TMEM120B: variants seen among roughly 807,000 people sequenced by gnomAD.
TMEM120B encodes the protein transmembrane protein 120B.
TMEM120B carries 31 observed loss-of-function variants against 55.5 expected under a neutral mutation model. The ratio of observed to expected loss-of-function variants is 0.56; its 90% CI spans 0.42 to 0.75. The LOEUF is 0.75. Ranked by LOEUF, TMEM120B falls within the 30% of genes least tolerant of loss-of-function variation. The pLI is 0.00. For synonymous variants in TMEM120B, 203 were observed against 176.3 expected (o/e 1.15, Z -1.20); for missense variants, 399 against 425.5 (o/e 0.94, Z 0.55).
chr12:121,760,611 G>A (rs57318156), intron 5 of TMEM120B, among the ~76,000 whole-genome samples: 13,018 of 152,232 alleles, frequency 0.086, 1,002 homozygotes, highest in African/African-American at 0.2. Context: ...CCTAGTGCAC[G>A]TGCTTGAGCC....
chr12:121,727,600 G>A (rs1471862934), intron 1 of TMEM120B, among the ~76,000 whole-genome samples: 1 of 151,228 alleles, frequency 6.6e-6, no homozygotes, highest in East Asian at 2.0e-4. Flanking sequence ...TTGGCCCGGT[G>A]CGGTGGCTCA....
chr12:121,743,793 G>C (rs774065816), intron 2 of TMEM120B, 46 bp downstream of exon 2: 1 of 1,386,696 alleles, frequency 7.2e-7, no homozygotes, highest in South Asian at 1.2e-5. Context: ...CTGAGGGACA[G>C]AAGTCCAACT....
chr12:121,742,079 T>C (rs998526371), intron 1 of TMEM120B, among the ~76,000 whole-genome samples: 1 of 151,312 alleles, frequency 6.6e-6, no homozygotes, highest in Non-Finnish European at 1.5e-5. Context: ...CTCAGCTCAC[T>C]GCAACCTCCG....
chr12:121,756,965 C>G (rs1873491669), intron 5 of TMEM120B, among the ~76,000 whole-genome samples: 1 of 152,150 alleles, frequency 6.6e-6, no homozygotes, highest in African/African-American at 2.4e-5. Context: ...GCTGAGGACA[C>G]TAGCTGAGGA....
intron 5 of TMEM120B, among the ~76,000 whole-genome samples, chr12:121,753,922 C>T (rs1422367924): frequency 6.6e-6 from 1 of 152,204 alleles, no homozygotes; most frequent in Admixed American, 6.5e-5. Flanking sequence ...GGGTGCTCCC[C>T]AGCTGCTGGT....
In TMEM120B at chr12:121,774,675, A is replaced by T; in HGVS notation, c.790A>T (p.Met264Leu). The T allele has an allele frequency of 1.2e-6, 2 of 1,613,772 alleles. No individual in the cohort carries two copies. The highest frequency in any genetic ancestry group is 1.7e-6 in the Non-Finnish European group (2 of 1,179,852). The change falls in exon 10 of 12, where the codon ATG becomes TTG. Residue 264 changes from methionine (M) to leucine (L), a missense_variant. Physicochemically the swap from Met to Leu is conservative, Grantham distance 15. Around this residue, in one of 3 missense-constraint regions of TMEM120B, gnomAD observed 260 missense variants for 303.9 expected, o/e 0.86. Coordinates refer to ENST00000449592, the MANE Select transcript of TMEM120B (RefSeq NM_001080825.2). ...CTCCACAGAAGGGTTCCAGTCCTGG[A>T]TGTGGCGGGGCCTCACCTTTCTCCT... ...DLTVEGFQSW[M>L]WRGLTFLLPF... is the part of the protein sequence containing the mutation.
At chr12:121,771,001 G>T in intron 7 of TMEM120B, 29 bp downstream of exon 7, 1 of 1,610,756 alleles carries the variant, frequency 6.2e-7, no homozygotes. Context: ...GGCCCCTCCA[G>T]CCTCCCAGGG....
chr12:121,755,748 T>C (rs1311248469), intron 5 of TMEM120B, among the ~76,000 whole-genome samples: 1 of 152,130 alleles, frequency 6.6e-6, no homozygotes, highest in African/African-American at 2.4e-5. Flanking sequence ...TCAATACTGC[T>C]AGGGAATGAG....
At chr12:121,715,645 C>T (rs1226621989) in intron 1 of TMEM120B, among the ~76,000 whole-genome samples, 1 of 152,018 alleles carries the variant, frequency 6.6e-6, no homozygotes, top group Non-Finnish European at 1.5e-5. Context: ...AAGAGGGAGC[C>T]TGCTTGCTGC....
intron 1 of TMEM120B, among the ~76,000 whole-genome samples, chr12:121,727,766 C>T (rs941331553): frequency 4.1e-5 from 6 of 147,070 alleles, no homozygotes; most frequent in Non-Finnish European, 6.0e-5. Context: ...CCCAGCTACT[C>T]GGGAGGCTGA....
intron 5 of TMEM120B, chr12:121,758,833 C>T: frequency 1.0e-6 from 1 of 980,108 alleles, no homozygotes; most frequent in Non-Finnish European, 1.2e-6. Flanking sequence ...GACGGCCTAG[C>T]TCCACGTTGT....
chr12:121,725,026 T>C (rs1002481778), intron 1 of TMEM120B, among the ~76,000 whole-genome samples: 30 of 152,222 alleles, frequency 2.0e-4, no homozygotes, highest in African/African-American at 5.8e-4. Flanking sequence ...ACTATGATTG[T>C]ATTTTTCTCT....
At chr12:121,730,119 C>T (rs1045657856) in intron 1 of TMEM120B, among the ~76,000 whole-genome samples, 2 of 149,432 alleles carry the variant, frequency 1.3e-5, no homozygotes, top group South Asian at 2.1e-4. Context: ...ATTAGCTGGG[C>T]GTGGTAGCAG....
rs1874469758 is a variant in TMEM120B at position 121,781,842 on chromosome 12, CGAGCGCCCTCCCCACCCAGATTCACA to C, written c.*6125_*6150del. ...GGTGGTGGGTTGCTGGGAACAGCAC[CGAGCGCCCTCCCCACCCAGATTCACA>C]GAGCACACTCCCTGGGGGGATACTT... On this transcript the variant is annotated 3_prime_UTR_variant, in exon 12 of 12. Transcript: ENST00000449592. The C allele has an allele frequency of 6.6e-6, 1 of 152,406 alleles. No individual in the cohort carries two copies. Among genetic ancestry groups the C allele is most frequent in the Non-Finnish European group, 1.5e-5 (1 of 68,268 alleles). 9.4% of individuals were successfully genotyped at this position (152,406 alleles called of 1,614,324 possible).
chr12:121,748,268 A>G (rs1312265812), intron 2 of TMEM120B, 58 bp from the exon 3 acceptor site: 1 of 1,388,984 alleles, frequency 7.2e-7, no homozygotes, highest in Non-Finnish European at 1.0e-6. Flanking sequence ...CGGGGAGTCC[A>G]TAGCCCTCCT....
chr12:121,743,483 AG>A (rs757834430), intron 1 of TMEM120B, 145 bp from the exon 2 acceptor site: 13 of 538,598 alleles, frequency 2.4e-5, no homozygotes, highest in Non-Finnish European at 4.4e-5. Flanking sequence ...GCTTGAACCC[AG>A]GAGGCGGAGG....
At chr12:121,748,599 C>T (rs1441673404) in intron 3 of TMEM120B, among the ~76,000 whole-genome samples, 157 bp downstream of exon 3, 1 of 152,080 alleles carries the variant, frequency 6.6e-6, no homozygotes, top group African/African-American at 2.4e-5. Context: ...ACACATTCCT[C>T]CATGAGCCCA....
At chr12:121,770,215 A>C (rs1873993220) in intron 6 of TMEM120B, among the ~76,000 whole-genome samples, 2 of 151,876 alleles carry the variant, frequency 1.3e-5, no homozygotes, top group African/African-American at 4.8e-5. Context: ...TCCTGAGACC[A>C]TTCTCTGTGG....
chr12:121,748,495 C>A, intron 3 of TMEM120B, 53 bp downstream of exon 3: 2 of 1,238,732 alleles, frequency 1.6e-6, no homozygotes, highest in Non-Finnish European at 2.3e-6. Flanking sequence ...CCAGGCCTAG[C>A]ACAGCTGGTC....
Sources: allele counts gnomAD v4.1 joint callset (sites outside exome capture counted in the v4.1 genomes callset), GRCh38; gene constraint gnomAD v4.1.1; regional missense constraint gnomAD v4.1.1; transcripts MANE v1.5; gene names NCBI Gene and HGNC (gene_info 2026-07-23, HGNC 2026-07-21).